Variants in PCYT1B observed in about 807,000 individuals in gnomAD.
PCYT1B encodes choline-phosphate cytidylyltransferase B.
PCYT1B carries 10 observed loss-of-function variants against 26.4 expected under a neutral mutation model. That is an observed-to-expected ratio of 0.38 (90% CI 0.23 to 0.64). The LOEUF (loss-of-function observed/expected upper bound fraction) is 0.64, where lower values mean the gene tolerates loss of function less well. Among genes scored for constraint, PCYT1B ranks in the 30% least tolerant of loss-of-function variants. PCYT1B has a pLI of 0.56. For synonymous variants in PCYT1B, 131 were observed against 108.4 expected (o/e 1.21, Z -1.29); for missense variants, 161 against 292.7 (o/e 0.55, Z 3.28).
intron 5 of PCYT1B, among the ~76,000 whole-genome samples, 159 bp from the exon 6 acceptor site, chrX:24,579,617 C>T (rs906921536): frequency 3.6e-5 from 4 of 110,881 alleles, no homozygotes; most frequent in East Asian, 2.8e-4. Flanking sequence ...CCCTCAGTTC[C>T]GTGGAATTCC....
At chrX:24,619,806 G>A (rs1168001310) in intron 1 of PCYT1B, among the ~76,000 whole-genome samples, 1 of 112,715 alleles carries the variant, frequency 8.9e-6, no homozygotes, top group Non-Finnish European at 1.9e-5. Flanking sequence ...GGCAGCTTGG[G>A]CTGGGGCTCT....
intron 1 of PCYT1B, among the ~76,000 whole-genome samples, chrX:24,656,649 C>T (rs991902421): frequency 1.7e-4 from 17 of 101,184 alleles, no homozygotes; most frequent in South Asian, 4.7e-4. Context: ...CTCTGCCTTC[C>T]GGTTCAAGCA....
At position 24,562,374 on chromosome X, in the gene PCYT1B, G is replaced by A. The variant is rs986490731; in HGVS notation, c.1029C>T (p.Leu343=). The A allele has an allele frequency of 3.4e-6, 4 of 1,182,810 alleles. No homozygotes were observed. In the South Asian group the frequency reaches 5.8e-5, roughly 17 times the overall value. The part of the protein sequence containing the change: ...SPSPTFSWLP[L]KTSPPSSPKA... ...TGGGTGAGGAAGGGGGTGAGGTTTTGAGTGGAAGCCATGAGAAGGTGGGCG... is the reference window on the plus strand; with the variant it reads ...TGGGTGAGGAAGGGGGTGAGGTTTTAAGTGGAAGCCATGAGAAGGTGGGCG... Residue 343 remains leucine (L), a synonymous_variant, in exon 8 of 8, where the codon CTC becomes CTT. Coordinates refer to ENST00000379144, the MANE Select transcript of PCYT1B (RefSeq NM_004845.5).
intron 1 of PCYT1B, among the ~76,000 whole-genome samples, chrX:24,633,209 CAAAA>C (rs1173874144): frequency 6.0e-5 from 1 of 16,735 alleles, no homozygotes; most frequent in Non-Finnish European, 1.4e-4. Flanking sequence ...GACTATGTCT[CAAAA>C]AAAAAAAAAA....
chrX:24,574,426 ATCAT>A (rs943704393), intron 7 of PCYT1B, among the ~76,000 whole-genome samples: 7 of 111,397 alleles, frequency 6.3e-5, no homozygotes, highest in African/African-American at 2.3e-4. Flanking sequence ...TTCCATAGTT[ATCAT>A]TCAAAGTTGT....
At position 24,558,491 on chromosome X, in the gene PCYT1B, C is replaced by T. The variant is rs1194415925; in HGVS notation, c.*3802G>A. On this transcript the variant is annotated 3_prime_UTR_variant, in exon 8 of 8. Transcript: ENST00000379144. ...CAGGCACATCTCTGCTAGAGACGGGCTCATCTGCTTCAGCTGAGCCAGTGA... is the reference window on the plus strand; with the variant it reads ...CAGGCACATCTCTGCTAGAGACGGGTTCATCTGCTTCAGCTGAGCCAGTGA... 1 of 109,770 alleles carries T rather than the reference C, an allele frequency of 9.1e-6. No homozygotes were observed. The highest frequency in any genetic ancestry group is 2.8e-4 in the East Asian group (1 of 3,521). The allele number at this position is 109,770 out of a possible 1,213,427, so 9.0% of individuals were successfully genotyped here.
chrX:24,596,002 C>G (rs146116869), intron 3 of PCYT1B, among the ~76,000 whole-genome samples: 390 of 111,546 alleles, frequency 3.5e-3, no homozygotes, highest in Non-Finnish European at 5.5e-3. Flanking sequence ...GTGGAGTAAT[C>G]TTTATGTCTT....
rs186047847 is a variant in PCYT1B, at chrX:24,626,575, G to A, written c.118-7491C>T. Among the ~76,000 whole-genome samples, 56 of 112,335 alleles carry A rather than the reference G, an allele frequency of 5.0e-4. 1 individual carries two copies. The highest frequency in any genetic ancestry group is 1.6e-3 in the African/African-American group (51 of 30,998). ...CCTCTCCTTTAAATTCAGAGATGCA[G>A]AAAATTTAATCAAGGCTCAGGTCTC... On this transcript the variant is annotated intron_variant, in intron 1 of 7. Coordinates refer to ENST00000379144, the MANE Select transcript of PCYT1B (RefSeq NM_004845.5).
chrX:24,595,462 C>G (rs765443541), intron 3 of PCYT1B, among the ~76,000 whole-genome samples: 3 of 110,959 alleles, frequency 2.7e-5, no homozygotes, highest in African/African-American at 9.8e-5. Context: ...TAGTAATTAT[C>G]TGGGCTCAGA....
intron 1 of PCYT1B, among the ~76,000 whole-genome samples, chrX:24,672,149 C>T (rs912929766): frequency 1.8e-5 from 2 of 112,010 alleles, no homozygotes; most frequent in Admixed American, 1.9e-4. Flanking sequence ...GCAGCAAGAG[C>T]GTAACTCCAT....
chrX:24,602,987 A>T (rs1925015991), intron 3 of PCYT1B, among the ~76,000 whole-genome samples: 1 of 110,791 alleles, frequency 9.0e-6, no homozygotes, highest in Non-Finnish European at 1.9e-5. Flanking sequence ...TATTTTTAGT[A>T]GAGATGGGGT....
upstream of PCYT1B, chrX:24,650,292 T>A (rs761922003): frequency 3.4e-4 from 37 of 108,631 alleles, no homozygotes; most frequent in African/African-American, 1.2e-3. Context: ...AGAGAGTTTA[T>A]TGGGGTAATG....
At chrX:24,565,960 G>C (rs913694959) in intron 7 of PCYT1B, among the ~76,000 whole-genome samples, 2 of 111,649 alleles carry the variant, frequency 1.8e-5, no homozygotes, top group Admixed American at 9.5e-5. Context: ...CAAGTCACAA[G>C]AGAAATTTGT....
At chrX:24,622,420 T>G (rs949251659) in intron 1 of PCYT1B, among the ~76,000 whole-genome samples, 2 of 112,230 alleles carry the variant, frequency 1.8e-5, no homozygotes, top group African/African-American at 6.5e-5. Context: ...GTTCTGTCTC[T>G]TCCATATACT....
At position 24,560,520 on chromosome X, in the gene PCYT1B, A is replaced by G. The variant is rs905457085; in HGVS notation, c.*1773T>C. On this transcript the variant is annotated 3_prime_UTR_variant, in exon 8 of 8. Coordinates refer to ENST00000379144, the MANE Select transcript of PCYT1B (RefSeq NM_004845.5). ...TGTTCCTGCCAGCCCTCTGTCCCAT[A>G]TGAGTGCTTCCCAGAGTCCTGGAGA... is the stretch of plus-strand genomic sequence containing the variant. 3.6e-5 allele frequency: 4 copies of G among 112,200 alleles called. No individual in the cohort carries two copies. The highest frequency in any genetic ancestry group is 5.6e-5 in the Non-Finnish European group (3 of 53,199). 9.2% of individuals were successfully genotyped at this position (112,200 alleles called of 1,213,427 possible).
chrX:24,566,313 AGAT>A (rs916107951), intron 7 of PCYT1B, among the ~76,000 whole-genome samples: 10 of 112,494 alleles, frequency 8.9e-5, no homozygotes, highest in Non-Finnish European at 1.9e-4. Context: ...TACAACTCCA[AGAT>A]GATATAATAA....
At chrX:24,573,354 C>T (rs992297701) in intron 7 of PCYT1B, among the ~76,000 whole-genome samples, 1 of 110,507 alleles carries the variant, frequency 9.0e-6, no homozygotes, top group African/African-American at 3.3e-5. Context: ...TTAGTAGATA[C>T]GGGGTTTCAC....
At chrX:24,648,961 A>G (rs1926709356), upstream of PCYT1B, among the ~76,000 whole-genome samples, 1 of 112,079 alleles carries the variant, frequency 8.9e-6, no homozygotes, top group Non-Finnish European at 1.9e-5. Context: ...ATAAGCAAAG[A>G]GGGCTAGTCC....
chrX:24,671,038 G>T (rs1187039561), intron 1 of PCYT1B, among the ~76,000 whole-genome samples: 2 of 110,243 alleles, frequency 1.8e-5, no homozygotes, highest in Non-Finnish European at 3.8e-5. Flanking sequence ...CATGATCTTG[G>T]CTCACTGTAA....
Sources: allele counts gnomAD v4.1 joint callset (sites outside exome capture counted in the v4.1 genomes callset), GRCh38; gene constraint gnomAD v4.1.1; transcripts MANE v1.5; gene names NCBI Gene and HGNC (gene_info 2026-07-23, HGNC 2026-07-21).